The following ADAM23 variants were observed in gnomAD, a reference collection of about 807,000 sequenced individuals.
ADAM23 encodes ADAM metallopeptidase domain 23.
In ADAM23, 33 loss-of-function variants were observed where a neutral mutation model predicts 120.1. The ratio of observed to expected loss-of-function variants is 0.27; its 90% CI spans 0.21 to 0.37. ADAM23 has a LOEUF of 0.37. ADAM23 is among the 10% of genes least tolerant of loss of function. The probability of loss-of-function intolerance (pLI) is 1.00; values close to 1 mark genes in which losing one functional copy is unlikely to be tolerated. For missense variants in ADAM23, 862 were observed against 1,058.2 expected (o/e 0.81, Z 2.57); for synonymous variants, 367 against 375.2 (o/e 0.98, Z 0.25).
intron 4 of ADAM23, among the ~76,000 whole-genome samples, chr2:206,538,812 C>T (rs1436962697): frequency 2.0e-5 from 3 of 152,086 alleles, no homozygotes; most frequent in African/African-American, 7.2e-5. Flanking sequence ...GGTCTTTCTA[C>T]ATTGCCCAGG....
chr2:206,457,235 A>G (rs1695318989), intron 2 of ADAM23, among the ~76,000 whole-genome samples: 1 of 152,208 alleles, frequency 6.6e-6, no homozygotes, highest in Admixed American at 6.5e-5. Flanking sequence ...ATAATCTCAC[A>G]TGGTCCTTGC....
chr2:206,559,762 A>G (rs1259504537), intron 10 of ADAM23, among the ~76,000 whole-genome samples, 193 bp from the exon 11 acceptor site: 1 of 152,156 alleles, frequency 6.6e-6, no homozygotes, highest in Non-Finnish European at 1.5e-5. Flanking sequence ...TTGAAACCAA[A>G]TTGTGTGATT....
At chr2:206,536,608 A>T (rs1697181387) in intron 4 of ADAM23, among the ~76,000 whole-genome samples, 1 of 152,176 alleles carries the variant, frequency 6.6e-6, no homozygotes, top group African/African-American at 2.4e-5. Context: ...ACACGCTTAA[A>T]ACGTAACTGT....
intron 3 of ADAM23, among the ~76,000 whole-genome samples, chr2:206,521,539 TAAA>T (rs994974835): frequency 6.6e-6 from 1 of 152,042 alleles, no homozygotes; most frequent in Non-Finnish European, 1.5e-5. Flanking sequence ...AGAAAGAAAA[TAAA>T]AACTCTTGAA....
At position 206,560,184 on chromosome 2, in the gene ADAM23, T is replaced by C. The variant is rs1234144981; in HGVS notation, c.1169+66T>C. ...ACATTTATCCTTATCCCTTTTTTGG[T>C]TCAGTTAAGTTAAATATCAGAAAAT... is the stretch of plus-strand genomic sequence containing the variant. On this transcript the variant is annotated intron_variant, in intron 11 of 25. Transcript: ENST00000264377. The C allele has an allele frequency of 2.0e-6, 3 of 1,492,558 alleles. No individual in the cohort carries two copies. In the African/African-American group the frequency reaches 4.2e-5, roughly 21 times the overall value. 92.5% of individuals were successfully genotyped at this position (1,492,558 alleles called of 1,614,324 possible). A position where few individuals can be genotyped will look rare whatever the true frequency, so the allele number is the denominator to read the frequency against.
At chr2:206,502,684 C>A (rs1696413471) in intron 3 of ADAM23, among the ~76,000 whole-genome samples, 1 of 152,114 alleles carries the variant, frequency 6.6e-6, no homozygotes, top group African/African-American at 2.4e-5. Flanking sequence ...CAGTCCCCAT[C>A]TTATTTTCCC....
chr2:206,546,831 C>G (rs1371779293), intron 6 of ADAM23, among the ~76,000 whole-genome samples: 1 of 152,016 alleles, frequency 6.6e-6, no homozygotes, highest in African/African-American at 2.4e-5. Context: ...ACATACTATG[C>G]ACTCAGTAAT....
chr2:206,514,714 A>G (rs995504382), intron 3 of ADAM23, among the ~76,000 whole-genome samples: 5 of 152,166 alleles, frequency 3.3e-5, no homozygotes, highest in South Asian at 4.1e-4. Flanking sequence ...TGAAGAGTCA[A>G]TCAATGAGAC....
At chr2:206,519,944 G>A (rs1696810229) in intron 3 of ADAM23, among the ~76,000 whole-genome samples, 1 of 152,102 alleles carries the variant, frequency 6.6e-6, no homozygotes, top group Non-Finnish European at 1.5e-5. Context: ...GAACCTGGGA[G>A]GTTGAGGCTG....
chr2:206,515,003 A>G (rs758135102), intron 3 of ADAM23, among the ~76,000 whole-genome samples: 1 of 152,190 alleles, frequency 6.6e-6, no homozygotes, highest in Non-Finnish European at 1.5e-5. Flanking sequence ...AACTTGCTTT[A>G]TTGTGATACT....
At chr2:206,495,761 A>C (rs1358809539) in intron 3 of ADAM23, among the ~76,000 whole-genome samples, 1 of 152,186 alleles carries the variant, frequency 6.6e-6, no homozygotes, top group Non-Finnish European at 1.5e-5. Flanking sequence ...AACCCATCTC[A>C]TGTGCAGAGA....
At chr2:206,541,538 G>A (rs1041638246) in intron 4 of ADAM23, among the ~76,000 whole-genome samples, 1 of 151,862 alleles carries the variant, frequency 6.6e-6, no homozygotes, top group African/African-American at 2.4e-5. Flanking sequence ...GAGGGACAAA[G>A]GAAACTGCTG....
rs910268742 is a variant in ADAM23 at position 206,579,959 on chromosome 2, AT to A, written c.1737+6776del. Among the ~76,000 whole-genome samples, 332 of 143,738 alleles carry A rather than the reference AT, an allele frequency of 2.3e-3. 1 individual carries two copies. The highest frequency in any genetic ancestry group is 3.0e-3 in the Admixed American group (43 of 14,458). 94.3% of individuals were successfully genotyped at this position (143,738 alleles called of 152,430 possible). A position where few individuals can be genotyped will look rare whatever the true frequency, so the allele number is the denominator to read the frequency against. ...CCCTTTGTTAGGTATATTCCTAAGT[AT>A]TTTTTTTTTTTGCAGCTATTGTAAA... On this transcript the variant is annotated intron_variant, in intron 18 of 25. Coordinates refer to ENST00000264377, the MANE Select transcript of ADAM23 (RefSeq NM_003812.4).
chr2:206,568,528 A>G (rs963303767), intron 15 of ADAM23, among the ~76,000 whole-genome samples: 12 of 152,216 alleles, frequency 7.9e-5, no homozygotes, highest in African/African-American at 2.9e-4. Flanking sequence ...TGGTAAATGC[A>G]TCGTACTTCT....
intron 25 of ADAM23, among the ~76,000 whole-genome samples, chr2:206,616,291 A>C (rs1366557769): frequency 1.3e-5 from 2 of 152,198 alleles, no homozygotes; most frequent in East Asian, 3.9e-4. Flanking sequence ...CGCTTTCAAG[A>C]ATGTTGACTT....
Position 206,592,731 on chromosome 2 carries a change from C to A in ADAM23, c.2073C>A (p.Asp691Glu). ...TCTACCATCAAGGCCGGGTGATTGA[C>A]TGCAGGTAACATATTAAATATTAGA... The part of the protein sequence containing the change: ...TSFYHQGRVI[D>E]CSGAHVVLDD... Residue 691 changes from aspartate to glutamate, a missense_variant, in exon 22 of 26, where the codon GAC becomes GAA. Asp to Glu is a conservative substitution (Grantham distance 45, BLOSUM62 2). Transcript: ENST00000264377. The A allele has an allele frequency of 6.2e-7, 1 of 1,613,886 alleles. No individual in the cohort carries two copies. The highest frequency in any genetic ancestry group is 1.1e-5 in the South Asian group (1 of 91,064).
At chr2:206,572,790 T>A (rs1661268404) in intron 17 of ADAM23, among the ~76,000 whole-genome samples, 1 of 152,366 alleles carries the variant, frequency 6.6e-6, no homozygotes, top group Middle Eastern at 3.4e-3. Context: ...TATATTATAG[T>A]GTTTTGCTAT....
intron 18 of ADAM23, among the ~76,000 whole-genome samples, chr2:206,582,758 G>C (rs1456730737): frequency 1.3e-5 from 2 of 152,108 alleles, no homozygotes; most frequent in Non-Finnish European, 2.9e-5. Context: ...TTTGGTAGTG[G>C]AAAATTCTCT....
At chr2:206,517,628 G>C (rs752396751) in intron 3 of ADAM23, among the ~76,000 whole-genome samples, 2 of 152,118 alleles carry the variant, frequency 1.3e-5, no homozygotes, top group Admixed American at 6.6e-5. Flanking sequence ...TCTTGACCCA[G>C]AATTTTGACT....
Sources: allele counts gnomAD v4.1 joint callset (sites outside exome capture counted in the v4.1 genomes callset), GRCh38; gene constraint gnomAD v4.1.1; transcripts MANE v1.5; gene names NCBI Gene and HGNC (gene_info 2026-07-23, HGNC 2026-07-21).